Variants in LIN28B observed in about 807,000 individuals in gnomAD.
The protein encoded by LIN28B is lin-28 RNA binding posttranscriptional regulator B.
LIN28B carries 5 observed loss-of-function variants against 21.9 expected under a neutral mutation model. The observed-to-expected ratio is 0.23, with a 90% CI of 0.12 to 0.48. LIN28B has a LOEUF of 0.48. LIN28B is among the 20% of genes least tolerant of loss of function. The pLI, the probability that LIN28B is intolerant of heterozygous loss-of-function variation, is 0.98. For synonymous variants in LIN28B, 109 were observed against 111.3 expected (o/e 0.98, Z 0.13); for missense variants, 245 against 310.5 (o/e 0.79, Z 1.58).
intron 2 of LIN28B, among the ~76,000 whole-genome samples, chr6:104,991,216 G>A (rs1488399056): frequency 1.3e-5 from 2 of 151,454 alleles, no homozygotes; most frequent in African/African-American, 4.9e-5. Flanking sequence ...CAGACGGGGT[G>A]GCTGGCCGGG....
At chr6:104,946,114 A>G (rs1002037810) in intron 2 of LIN28B, among the ~76,000 whole-genome samples, 1 of 151,944 alleles carries the variant, frequency 6.6e-6, no homozygotes. Flanking sequence ...TATAAGAAAT[A>G]ATGCAACTTT....
At chr6:104,991,698 G>A (rs1193949825) in intron 2 of LIN28B, among the ~76,000 whole-genome samples, 2 of 152,088 alleles carry the variant, frequency 1.3e-5, no homozygotes, top group Non-Finnish European at 2.9e-5. Flanking sequence ...CCGAGATCAC[G>A]CCACTGCACT....
chr6:104,950,676 TA>T (rs1277475178), intron 3 of LIN28B, among the ~76,000 whole-genome samples: 1 of 152,074 alleles, frequency 6.6e-6, no homozygotes, highest in Admixed American at 6.6e-5. Flanking sequence ...TCACTCCATC[TA>T]AAAAACTGGT....
intron 1 of LIN28B, 101 bp downstream of exon 1, chr6:104,957,361 T>G: frequency 1.7e-6 from 1 of 589,238 alleles, no homozygotes; most frequent in South Asian, 1.9e-5. Flanking sequence ...CCTTCCCCTT[T>G]TACCCCAATA....
chr6:105,050,619 A>AAG (rs1771881094), intron 3 of LIN28B, among the ~76,000 whole-genome samples: 1 of 145,768 alleles, frequency 6.9e-6, no homozygotes, highest in South Asian at 2.1e-4. Context: ...AAAAAAAAAA[A>AAG]AAAAAAAAAA....
At chr6:104,955,468 A>G (rs549028031), upstream of LIN28B, among the ~76,000 whole-genome samples, 2 of 152,364 alleles carry the variant, frequency 1.3e-5, no homozygotes, top group Admixed American at 6.5e-5. Flanking sequence ...CTTTTATCAA[A>G]AACAGCTGAA....
rs757071978 is a variant in LIN28B, at chr6:104,949,037, GT to G, written c.19-1411del. Reference sequence around the variant, plus strand: ...ATAGTTTGTCCAAATTATTTGCAAAGTTTTTTTTTTTTTAACAAACCCTATC... The same window carrying G: ...ATAGTTTGTCCAAATTATTTGCAAAGTTTTTTTTTTTTAACAAACCCTATC... On this transcript the variant is annotated intron_variant, in intron 2 of 5. Coordinates refer to the LIN28B transcript ENST00000635857. 3.5e-3 allele frequency among the ~76,000 whole-genome samples: 506 copies of G among 143,530 alleles called. 2 individuals carry two copies. Among genetic ancestry groups the G allele is most frequent in the Non-Finnish European group, 4.2e-3 (272 of 65,154 alleles). The allele number at this position is 143,530 out of a possible 152,430, so 94.2% of individuals were successfully genotyped here.
upstream of LIN28B, among the ~76,000 whole-genome samples, chr6:104,955,954 G>T (rs528356170): frequency 2.0e-5 from 3 of 152,076 alleles, no homozygotes; most frequent in Non-Finnish European, 2.9e-5. Context: ...AAAGGTAAAG[G>T]GGGTAGGCAT....
intron 2 of LIN28B, among the ~76,000 whole-genome samples, chr6:105,024,241 C>G (rs1404222170): frequency 6.6e-6 from 1 of 152,304 alleles, no homozygotes; most frequent in Admixed American, 6.5e-5. Context: ...ATCTGCCCGC[C>G]TTGGCCTCCC....
chr6:105,077,104 C>G (rs1772442222), intron 3 of LIN28B, among the ~76,000 whole-genome samples: 2 of 151,790 alleles, frequency 1.3e-5, no homozygotes, highest in Non-Finnish European at 2.9e-5. Context: ...GTGGCACATG[C>G]CTGTAATCCT....
At chr6:105,033,021 C>G (rs947854528) in intron 3 of LIN28B, among the ~76,000 whole-genome samples, 3 of 151,914 alleles carry the variant, frequency 2.0e-5, no homozygotes, top group African/African-American at 4.8e-5. Flanking sequence ...AATATCTTTT[C>G]TAGAACAAAA....
intron 3 of LIN28B, 67 bp downstream of exon 3, chr6:105,026,549 C>A: frequency 9.9e-7 from 1 of 1,007,398 alleles, no homozygotes; most frequent in Non-Finnish European, 1.5e-6. Context: ...AAAATGTTTT[C>A]ATCTTACTGC....
At chr6:104,979,531 A>C (rs1198576202) in intron 2 of LIN28B, among the ~76,000 whole-genome samples, 1 of 151,988 alleles carries the variant, frequency 6.6e-6, no homozygotes, top group Non-Finnish European at 1.5e-5. Flanking sequence ...AAAATCACCC[A>C]TTATTCTATC....
intron 2 of LIN28B, among the ~76,000 whole-genome samples, chr6:104,996,918 G>A (rs1232133331): frequency 6.6e-6 from 1 of 152,190 alleles, no homozygotes; most frequent in Non-Finnish European, 1.5e-5. Context: ...CCAGGAGTTT[G>A]AGGCTGCGTG....
At chr6:104,995,720 G>A (rs150248581) in intron 2 of LIN28B, among the ~76,000 whole-genome samples, 8 of 152,118 alleles carry the variant, frequency 5.3e-5, no homozygotes, top group African/African-American at 1.7e-4. Context: ...CTTCTGTTTC[G>A]GAAGTAGAAG....
chr6:104,981,869 A>G (rs1770233034), intron 2 of LIN28B, among the ~76,000 whole-genome samples: 1 of 152,228 alleles, frequency 6.6e-6, no homozygotes, highest in Non-Finnish European at 1.5e-5. Flanking sequence ...GGTCATGAAC[A>G]AGTTTGAGCA....
intron 2 of LIN28B, among the ~76,000 whole-genome samples, chr6:104,948,545 T>G (rs1199395655): frequency 1.3e-5 from 2 of 152,216 alleles, no homozygotes; most frequent in African/African-American, 4.8e-5. Flanking sequence ...TTCATGCATT[T>G]GAAGAATTAT....
intron 3 of LIN28B, among the ~76,000 whole-genome samples, chr6:105,062,190 A>C (rs1772134785): frequency 6.6e-6 from 1 of 151,932 alleles, no homozygotes; most frequent in Non-Finnish European, 1.5e-5. Flanking sequence ...GGGCTCTCAG[A>C]GTCAGCCTAA....
At chr6:104,947,032 T>C (rs914898712) in intron 2 of LIN28B, among the ~76,000 whole-genome samples, 1 of 152,230 alleles carries the variant, frequency 6.6e-6, no homozygotes, top group Non-Finnish European at 1.5e-5. Flanking sequence ...GTTAGCATGA[T>C]GTGAATTGAA....
Sources: gnomAD v4.1 joint callset for allele counts (sites outside exome capture counted in the v4.1 genomes callset) on GRCh38, gnomAD v4.1.1 for gene constraint, MANE v1.5 for transcripts, NCBI Gene and HGNC (gene_info 2026-07-23, HGNC 2026-07-21) for gene names.